Variants in PEX14 observed in about 807,000 individuals in gnomAD.
PEX14 encodes the protein peroxisomal membrane protein PEX14.
Under a neutral mutation model 49.5 loss-of-function variants are expected in PEX14, and 15 were observed. The ratio of observed to expected loss-of-function variants is 0.30; its 90% CI spans 0.20 to 0.47. The LOEUF (loss-of-function observed/expected upper bound fraction) is 0.47. Ranked by LOEUF, PEX14 falls within the 20% of genes least tolerant of loss-of-function variation. The pLI is 1.00. For missense variants in PEX14, 398 were observed against 494.8 expected (o/e 0.80, Z 1.86); for synonymous variants, 210 against 212.7 (o/e 0.99, Z 0.11).
Position 10,529,166 on chromosome 1 carries a change from A to G in PEX14, c.85-7047A>G, listed in dbSNP as rs1285064608. Among the ~76,000 whole-genome samples, 1 of 152,212 alleles carries G rather than the reference A, an allele frequency of 6.6e-6. No individual in the cohort carries two copies. The highest frequency in any genetic ancestry group is 1.5e-5 in the Non-Finnish European group (1 of 68,036). On this transcript the variant is annotated intron_variant, in intron 2 of 8. Coordinates refer to ENST00000356607, the MANE Select transcript of PEX14 (RefSeq NM_004565.3). This position sits in a 1 kb window ranked among gnomAD's most constrained non-coding sequence, Gnocchi z 4.2. The stretch of plus-strand genomic sequence containing the variant: ...GCTTTTCTTTCTCCCTGAAGGAGAA[A>G]AACGCTTTTCCTTCTCAACCTTTCC...
intron 5 of PEX14, 93 bp downstream of exon 5, chr1:10,618,510 C>T (rs1181564680): frequency 1.4e-5 from 14 of 972,026 alleles, no homozygotes; most frequent in Non-Finnish European, 2.1e-5. Flanking sequence ...GAGGCACTGC[C>T]GTGCTCTGCC....
intron 4 of PEX14, among the ~76,000 whole-genome samples, chr1:10,603,465 G>A (rs1207773293): frequency 6.6e-6 from 1 of 152,004 alleles, no homozygotes; most frequent in Non-Finnish European, 1.5e-5. Context: ...TAGGAGGTTG[G>A]CACCAAGGGG....
chr1:10,555,154 G>GT (rs1337858427), intron 3 of PEX14, among the ~76,000 whole-genome samples: 2 of 151,926 alleles, frequency 1.3e-5, no homozygotes, highest in Non-Finnish European at 2.9e-5. Context: ...AACCTGCTGT[G>GT]TTTTTTACTG....
In PEX14 at chr1:10,599,247, A is replaced by T. The variant is rs1156691094; in HGVS notation, c.179A>T (p.Asp60Val). The T allele has an allele frequency of 6.2e-7, 1 of 1,614,150 alleles. No homozygotes were observed. Among genetic ancestry groups the T allele is most frequent in the South Asian group, 1.1e-5 (1 of 91,084 alleles). Residue 60 changes from aspartate to valine, a missense_variant, in exon 4 of 9, where the codon GAT becomes GTT. Asp to Val is a radical substitution (Grantham distance 152). Coordinates refer to ENST00000356607, the MANE Select transcript of PEX14 (RefSeq NM_004565.3). The stretch of plus-strand genomic sequence containing the variant: ...GTCCTCTTCTCCCCAGGGCTGACAG[A>T]TGAAGAGATTGATATGGCCTTCCAG... Reference protein sequence around the residue: ...RAFLKKKGLTDEEIDMAFQQS... With the variant: ...RAFLKKKGLTVEEIDMAFQQS...
At chr1:10,577,552 ATATATATATATTTTTTTTTTTTTTTTTT>A (rs1640171740) in intron 3 of PEX14, among the ~76,000 whole-genome samples, 5 of 9,222 alleles carry the variant, frequency 5.4e-4, no homozygotes, top group East Asian at 5.2e-3. Context: ...ATATATATAT[ATATATATATATTTTTTTTTTTTTTTTTT>A]TTTTTTTTTT....
At chr1:10,602,215 A>C (rs1014898022) in intron 4 of PEX14, among the ~76,000 whole-genome samples, 3 of 152,210 alleles carry the variant, frequency 2.0e-5, no homozygotes, top group African/African-American at 4.8e-5. Flanking sequence ...CCAGCCCCTA[A>C]AAATAAAATA....
intron 5 of PEX14, 78 bp downstream of exon 5, chr1:10,618,495 G>GCACGGCAGTGCCTC: frequency 5.5e-6 from 6 of 1,098,036 alleles, no homozygotes; most frequent in Non-Finnish European, 8.3e-6. Context: ...TGGTTCCCCT[G>GCACGGCAGTGCCTC]CATGGAGGCA....
chr1:10,541,223 T>C (rs1638999635), intron 3 of PEX14, among the ~76,000 whole-genome samples: 1 of 152,134 alleles, frequency 6.6e-6, no homozygotes, highest in African/African-American at 2.4e-5. Context: ...TTGCCCTGGG[T>C]TCAACCCTGA....
At chr1:10,506,067 T>C (rs1641777070) in intron 2 of PEX14, among the ~76,000 whole-genome samples, 1 of 150,440 alleles carries the variant, frequency 6.6e-6, no homozygotes, top group African/African-American at 2.4e-5. Flanking sequence ...TTGGCATCCC[T>C]GTCTGACCAA....
intron 3 of PEX14, among the ~76,000 whole-genome samples, chr1:10,592,246 T>C (rs1640689238): frequency 1.3e-5 from 2 of 152,220 alleles, no homozygotes; most frequent in South Asian, 4.1e-4. Context: ...TCCCTAGGAC[T>C]TACTCAGTAT....
At chr1:10,501,607 A>G (rs1021561890) in intron 2 of PEX14, among the ~76,000 whole-genome samples, 1 of 151,754 alleles carries the variant, frequency 6.6e-6, no homozygotes, top group Non-Finnish European at 1.5e-5. Context: ...TGCCCCTATT[A>G]GTTTATTTTT....
Position 10,514,711 on chromosome 1 carries a change from C to G in PEX14, c.84+19390C>G, listed in dbSNP as rs888589645. On this transcript the variant is annotated intron_variant, in intron 2 of 8. Coordinates refer to ENST00000356607, the MANE Select transcript of PEX14 (RefSeq NM_004565.3). This position sits in a 1 kb window ranked among gnomAD's most constrained non-coding sequence, Gnocchi z 4.4. ...TTTCTGCTTGAGTTGGAGGTGTTGTCTCTTTGAGATGTTTGTCTCTCATTT... is the reference window on the plus strand; with the variant it reads ...TTTCTGCTTGAGTTGGAGGTGTTGTGTCTTTGAGATGTTTGTCTCTCATTT... 1.3e-5 allele frequency among the ~76,000 whole-genome samples: 2 copies of G among 152,148 alleles called. No individual in the cohort carries two copies. Among genetic ancestry groups the G allele is most frequent in the African/African-American group, 4.8e-5 (2 of 41,426 alleles).
intron 3 of PEX14, among the ~76,000 whole-genome samples, chr1:10,572,702 A>G (rs1342457608): frequency 6.6e-6 from 1 of 150,932 alleles, no homozygotes; most frequent in Non-Finnish European, 1.5e-5. Flanking sequence ...ACGCCCAGCT[A>G]ATTTTTTGTA....
chr1:10,567,531 T>A (rs907971427), intron 3 of PEX14, among the ~76,000 whole-genome samples: 4 of 152,182 alleles, frequency 2.6e-5, no homozygotes, highest in Admixed American at 6.5e-5. Context: ...TCTTGCTGTG[T>A]CACCCAGATT....
rs529484037 is a variant in PEX14, at chr1:10,531,366, C to T, written c.85-4847C>T. On this transcript the variant is annotated intron_variant, in intron 2 of 8. Transcript: ENST00000356607. ...GATTTCTTACTAAAATGCAGCATTT[C>T]TGTTTGAAGAGGGTTCTCTCATTCT... Among the ~76,000 whole-genome samples the T allele has an allele frequency of 2.0e-5, 3 of 152,312 alleles. No homozygotes were observed. In the South Asian group the frequency reaches 6.2e-4, roughly 32 times the overall value.
intron 3 of PEX14, among the ~76,000 whole-genome samples, chr1:10,580,050 A>C (rs1557856379): frequency 6.6e-6 from 1 of 152,110 alleles, no homozygotes; most frequent in Non-Finnish European, 1.5e-5. Flanking sequence ...AATGTTAAAT[A>C]CATAGGAAAA....
chr1:10,495,156 G>A lies in PEX14; in HGVS notation c.37-118G>A. ...AATACTCTTGTGTCGTGAAAAACCA[G>A]TGAGAGATGTGAGAAAGAGGTGCCA... On this transcript the variant is annotated intron_variant, in intron 1 of 8. Transcript: ENST00000356607. The surrounding 1 kb of genome is among the most constrained non-coding windows in gnomAD (Gnocchi z 4.2). 6.4e-7 allele frequency: 1 copy of A among 1,569,062 alleles called. No homozygotes were observed. Among genetic ancestry groups the A allele is most frequent in the South Asian group, 1.1e-5 (1 of 87,394 alleles).
chr1:10,483,570 C>T, intron 1 of PEX14, among the ~76,000 whole-genome samples: 1 of 150,674 alleles, frequency 6.6e-6, no homozygotes, highest in East Asian at 1.9e-4. Flanking sequence ...CCGCCTCGGC[C>T]CCCCAAAGTG....
In PEX14 at chr1:10,560,150, C is replaced by T. The variant is rs139219218; in HGVS notation, c.169+23853C>T. ...TTGGCTCACTGCAATCTCTGCCTCC[C>T]GGGTTCAAGCAATTCTCCTGCCTCA... On this transcript the variant is annotated intron_variant, in intron 3 of 8. Coordinates refer to ENST00000356607, the MANE Select transcript of PEX14 (RefSeq NM_004565.3). 4.9e-3 allele frequency among the ~76,000 whole-genome samples: 742 copies of T among 152,104 alleles called. 8 individuals are homozygous for T. The highest frequency in any genetic ancestry group is 0.017 in the African/African-American group (706 of 41,460).
Sources: allele counts gnomAD v4.1 joint callset (sites outside exome capture counted in the v4.1 genomes callset), GRCh38; gene constraint gnomAD v4.1.1; non-coding constraint Gnocchi (gnomAD v3.1); transcripts MANE v1.5; gene names NCBI Gene and HGNC (gene_info 2026-07-23, HGNC 2026-07-21).